AMBRA1: variants seen among roughly 807,000 people sequenced by gnomAD.
AMBRA1 encodes the protein activating molecule in BECN1-regulated autophagy protein 1.
Under a neutral mutation model 125.4 loss-of-function variants are expected in AMBRA1, and 47 were observed. The observed-to-expected ratio is 0.37, with a 90% CI of 0.30 to 0.48. The LOEUF (loss-of-function observed/expected upper bound fraction) is 0.48. Among genes scored for constraint, AMBRA1 ranks in the 20% least tolerant of loss-of-function variants. AMBRA1 has a pLI of 0.99. For synonymous variants in AMBRA1, 626 were observed against 655.5 expected (o/e 0.95, Z 0.69); for missense variants, 1,331 against 1,693.4 (o/e 0.79, Z 3.76).
intron 7 of AMBRA1, among the ~76,000 whole-genome samples, chr11:46,535,561 A>G (rs1386596542): frequency 6.6e-6 from 1 of 152,244 alleles, no homozygotes; most frequent in Admixed American, 6.5e-5. Context: ...AAATTGGATT[A>G]TCCACATGTA....
chr11:46,513,259 CTCTTT>C (rs1951336602), intron 7 of AMBRA1, among the ~76,000 whole-genome samples: 1 of 146,482 alleles, frequency 6.8e-6, no homozygotes, highest in East Asian at 1.9e-4. Flanking sequence ...TCTGCCTACG[CTCTTT>C]TTTCTTTTTT....
intron 9 of AMBRA1, among the ~76,000 whole-genome samples, chr11:46,499,918 C>G (rs1265772823): frequency 6.6e-6 from 1 of 152,104 alleles, no homozygotes; most frequent in Non-Finnish European, 1.5e-5. Flanking sequence ...CTCCAAAGTA[C>G]TGGGATTACA....
intron 9 of AMBRA1, among the ~76,000 whole-genome samples, chr11:46,503,694 T>C (rs578004069): frequency 1.3e-5 from 2 of 152,270 alleles, no homozygotes; most frequent in South Asian, 2.1e-4. Context: ...AGGACCCAAA[T>C]ATAAGCAAAT....
At chr11:46,477,120 C>T (rs1331566408) in intron 11 of AMBRA1, among the ~76,000 whole-genome samples, 1 of 148,926 alleles carries the variant, frequency 6.7e-6, no homozygotes, top group African/African-American at 2.5e-5. Flanking sequence ...AAAAAAAAAT[C>T]TGCTTAAATA....
At chr11:46,483,382 C>T (rs1405278563) in intron 11 of AMBRA1, among the ~76,000 whole-genome samples, 2 of 152,146 alleles carry the variant, frequency 1.3e-5, no homozygotes, top group Non-Finnish European at 2.9e-5. Context: ...TGCTCTTCAA[C>T]CTGAGTGGCA....
At chr11:46,556,839 T>C (rs375752162) in intron 1 of AMBRA1, among the ~76,000 whole-genome samples, 1 of 152,274 alleles carries the variant, frequency 6.6e-6, no homozygotes, top group East Asian at 1.9e-4. Context: ...AGAATTAGTA[T>C]GAAAATGGTA....
intron 1 of AMBRA1, among the ~76,000 whole-genome samples, chr11:46,551,802 C>T (rs1021937036): frequency 2.0e-5 from 3 of 152,058 alleles, no homozygotes; most frequent in East Asian, 1.9e-4. Flanking sequence ...CCAAGGCAGA[C>T]GGATCACCTG....
At chr11:46,476,517 A>G (rs1949819156) in intron 11 of AMBRA1, among the ~76,000 whole-genome samples, 1 of 109,174 alleles carries the variant, frequency 9.2e-6, no homozygotes, top group South Asian at 2.6e-4. Flanking sequence ...CATAGATTAG[A>G]ATAGCCAGAA....
chr11:46,439,146 TGCCTGTAG>T (rs1187248217), intron 12 of AMBRA1, among the ~76,000 whole-genome samples: 3 of 152,122 alleles, frequency 2.0e-5, no homozygotes, highest in African/African-American at 7.2e-5. Context: ...TGGTGGCATG[TGCCTGTAG>T]GCCGAGTTAC....
chr11:46,421,153 G>T (rs1043656885), intron 14 of AMBRA1, among the ~76,000 whole-genome samples: 1 of 152,184 alleles, frequency 6.6e-6, no homozygotes, highest in Non-Finnish European at 1.5e-5. Flanking sequence ...ACCCAGCTTA[G>T]GTGAGACAAG....
intron 13 of AMBRA1, among the ~76,000 whole-genome samples, chr11:46,433,943 C>T (rs1028043397): frequency 7.2e-5 from 11 of 151,804 alleles, no homozygotes; most frequent in African/African-American, 2.7e-4. Context: ...TGGAGAAACC[C>T]CATCTCTACT....
chr11:46,464,412 A>G (rs528039564), intron 11 of AMBRA1, among the ~76,000 whole-genome samples: 96 of 152,266 alleles, frequency 6.3e-4, no homozygotes, highest in African/African-American at 2.2e-3. Context: ...TTCACTATGC[A>G]CCTTCCTGAG....
At chr11:46,574,438 G>T (rs1329710369) in intron 1 of AMBRA1, among the ~76,000 whole-genome samples, 1 of 151,544 alleles carries the variant, frequency 6.6e-6, no homozygotes, top group Non-Finnish European at 1.5e-5. Flanking sequence ...ATTTTTTCAT[G>T]TGTTTTTTGG....
rs529791715 is a variant in AMBRA1 at position 46,443,121 on chromosome 11, C to T, written c.2632+367G>A. Among the ~76,000 whole-genome samples the T allele has an allele frequency of 2.0e-5, 3 of 152,340 alleles. No homozygotes were observed. The South Asian group carries it at 6.2e-4, about 32-fold the overall frequency. ...AGTAGACACAAAAACAAAGATTTCT[C>T]TGCTCTGAAGAGTTTGTGGACTAGT... is the stretch of plus-strand genomic sequence containing the variant. On this transcript the variant is annotated intron_variant, in intron 12 of 17. Coordinates refer to ENST00000683756, the MANE Select transcript of AMBRA1 (RefSeq NM_001387011.1).
intron 14 of AMBRA1, among the ~76,000 whole-genome samples, chr11:46,426,918 T>C (rs934485584): frequency 1.3e-5 from 2 of 152,090 alleles, no homozygotes; most frequent in Non-Finnish European, 2.9e-5. Context: ...AAATAAAATA[T>C]CATTATTTTT....
chr11:46,484,089 TATCA>T (rs1227048249), intron 11 of AMBRA1, among the ~76,000 whole-genome samples: 2 of 152,208 alleles, frequency 1.3e-5, no homozygotes, highest in Non-Finnish European at 2.9e-5. Context: ...TCCCTGGGTT[TATCA>T]TAGGCTCAGC....
intron 11 of AMBRA1, among the ~76,000 whole-genome samples, chr11:46,492,330 T>C: frequency 6.6e-6 from 1 of 152,264 alleles, no homozygotes; most frequent in East Asian, 1.9e-4. Flanking sequence ...ATGGCCTTGA[T>C]GCTGTCACAG....
intron 11 of AMBRA1, among the ~76,000 whole-genome samples, chr11:46,458,152 T>C (rs1258628516): frequency 6.6e-6 from 1 of 152,182 alleles, no homozygotes; most frequent in East Asian, 1.9e-4. Context: ...AGAACAGCAC[T>C]TGTCATAAAA....
At chr11:46,478,843 T>C (rs899838674) in intron 11 of AMBRA1, among the ~76,000 whole-genome samples, 1 of 152,142 alleles carries the variant, frequency 6.6e-6, no homozygotes, top group Non-Finnish European at 1.5e-5. Flanking sequence ...GTTCTAAATC[T>C]GTACCTTTAT....
Sources: allele counts gnomAD v4.1 joint callset (sites outside exome capture counted in the v4.1 genomes callset), GRCh38; gene constraint gnomAD v4.1.1; transcripts MANE v1.5; gene names NCBI Gene and HGNC (gene_info 2026-07-23, HGNC 2026-07-21).